POU6F2: variants seen among roughly 807,000 people sequenced by gnomAD.
The protein encoded by POU6F2 is POU domain, class 6, transcription factor 2.
POU6F2 carries 31 observed loss-of-function variants against 71.3 expected under a neutral mutation model. That is an observed-to-expected ratio of 0.43 (90% confidence interval 0.33 to 0.59). The LOEUF (loss-of-function observed/expected upper bound fraction) is 0.59, where lower values mean the gene tolerates loss of function less well. Among genes scored for constraint, POU6F2 ranks in the 20% least tolerant of loss-of-function variants. The pLI is 0.04. For synonymous variants in POU6F2, 347 were observed against 355.7 expected, an observed-to-expected ratio of 0.98 and a Z score of 0.27; for missense variants, 783 against 856.8, an observed-to-expected ratio of 0.91 and a Z score of 1.07.
At chr7:39,083,752 A>C (rs1791177401) in intron 1 of POU6F2, 1 of 152,188 alleles carries the variant, frequency 6.6e-6, no homozygotes, top group Non-Finnish European at 1.5e-5. Flanking sequence ...TATATTTCAA[A>C]TATTTACAAT....
intron 6 of POU6F2, among the ~76,000 whole-genome samples, chr7:39,409,237 T>A (rs979979381): frequency 9.2e-5 from 14 of 152,226 alleles, no homozygotes; most frequent in African/African-American, 3.4e-4. Flanking sequence ...CATCAACTAT[T>A]GTTTACATTT....
intron 2 of POU6F2, among the ~76,000 whole-genome samples, chr7:39,178,744 A>T (rs1246158052): frequency 6.6e-6 from 1 of 152,154 alleles, no homozygotes; most frequent in East Asian, 1.9e-4. Flanking sequence ...CTCATAAAAA[A>T]CAGGAGCACT....
At chr7:39,385,988 G>A (rs1440129352) in intron 5 of POU6F2, among the ~76,000 whole-genome samples, 1 of 151,946 alleles carries the variant, frequency 6.6e-6, no homozygotes, top group Non-Finnish European at 1.5e-5. Flanking sequence ...TGTGGTGGCG[G>A]GCGCCTATAG....
chr7:39,090,188 G>T (rs1243633445), intron 2 of POU6F2, among the ~76,000 whole-genome samples: 2 of 152,034 alleles, frequency 1.3e-5, no homozygotes, highest in African/African-American at 4.8e-5. Context: ...AGGCCTTAAA[G>T]TTGGCTCAGG....
intron 4 of POU6F2, among the ~76,000 whole-genome samples, chr7:39,291,098 T>A (rs1315688391): frequency 6.6e-6 from 1 of 152,090 alleles, no homozygotes; most frequent in Non-Finnish European, 1.5e-5. Context: ...TAAGTTTTTA[T>A]CTGGCTGTGG....
intron 1 of POU6F2, among the ~76,000 whole-genome samples, chr7:38,993,714 A>G (rs906750792): frequency 6.8e-6 from 1 of 146,592 alleles, no homozygotes; most frequent in African/African-American, 2.5e-5. Flanking sequence ...TTTCACAAGA[A>G]GTCAAAACTT....
At chr7:39,185,323 A>G (rs1793510919) in intron 2 of POU6F2, among the ~76,000 whole-genome samples, 1 of 152,136 alleles carries the variant, frequency 6.6e-6, no homozygotes, top group South Asian at 2.1e-4. Context: ...GCGCCACTGG[A>G]TTGTCCTCCC....
chr7:39,466,837 GC>G lies in POU6F2; in HGVS notation c.*2155del, dbSNP rs973981725. The G allele has an allele frequency of 1.3e-5, 2 of 152,322 alleles. No homozygotes were observed. Among genetic ancestry groups the G allele is most frequent in the African/African-American group, 4.8e-5 (2 of 41,436 alleles). The allele number at this position is 152,322 out of a possible 1,614,324, so 9.4% of individuals were successfully genotyped here. A position where few individuals can be genotyped will look rare whatever the true frequency, so the allele number is the denominator to read the frequency against. On this transcript the variant is annotated 3_prime_UTR_variant, in exon 10 of 10. Transcript: ENST00000518318. The stretch of plus-strand genomic sequence containing the variant: ...TGATCTTCAATGCCAACATCACAGA[GC>G]CCCTTTCGCCACCTCAAAAACTGCA...
chr7:39,404,182 GA>G (rs1787367187), intron 5 of POU6F2, among the ~76,000 whole-genome samples: 1 of 152,196 alleles, frequency 6.6e-6, no homozygotes, highest in East Asian at 1.9e-4. Flanking sequence ...CAAAGCAGTT[GA>G]AATATATCCA....
chr7:39,459,637 G>A (rs1282439907), intron 8 of POU6F2, among the ~76,000 whole-genome samples: 5 of 152,206 alleles, frequency 3.3e-5, no homozygotes, highest in African/African-American at 1.2e-4. Context: ...ACCTAAGTCC[G>A]AGGAATGAGG....
chr7:39,138,216 A>G (rs1209966570), intron 2 of POU6F2, among the ~76,000 whole-genome samples: 1 of 152,202 alleles, frequency 6.6e-6, no homozygotes, highest in Non-Finnish European at 1.5e-5. Flanking sequence ...TGTTGGTGAG[A>G]AATAAATTAG....
At chr7:39,141,612 A>G (rs1177355370) in intron 2 of POU6F2, among the ~76,000 whole-genome samples, 1 of 152,232 alleles carries the variant, frequency 6.6e-6, no homozygotes, top group African/African-American at 2.4e-5. Flanking sequence ...TATAGTTCCA[A>G]AAGTATATAT....
chr7:39,144,390 G>A (rs1210640113), intron 2 of POU6F2, among the ~76,000 whole-genome samples: 1 of 152,156 alleles, frequency 6.6e-6, no homozygotes, highest in Non-Finnish European at 1.5e-5. Flanking sequence ...TATTTCCTAT[G>A]ATATGCATTA....
At chr7:39,334,599 C>T (rs984261271) in intron 4 of POU6F2, among the ~76,000 whole-genome samples, 2 of 152,120 alleles carry the variant, frequency 1.3e-5, no homozygotes, top group African/African-American at 4.8e-5. Flanking sequence ...AGCCATCTAC[C>T]TTTTCCCATC....
At chr7:39,104,687 A>G (rs1408164087) in intron 2 of POU6F2, among the ~76,000 whole-genome samples, 2 of 152,212 alleles carry the variant, frequency 1.3e-5, no homozygotes, top group East Asian at 3.8e-4. Context: ...AGGCTGTTCC[A>G]TATTTGAGAA....
chr7:39,190,088 G>T (rs1562739567), intron 2 of POU6F2, among the ~76,000 whole-genome samples: 1 of 151,792 alleles, frequency 6.6e-6, no homozygotes, highest in African/African-American at 2.4e-5. Context: ...TAGAGATGGG[G>T]TTTTGCCATG....
At chr7:39,413,544 T>G (rs1787600120) in intron 6 of POU6F2, among the ~76,000 whole-genome samples, 1 of 152,206 alleles carries the variant, frequency 6.6e-6, no homozygotes, top group Non-Finnish European at 1.5e-5. Flanking sequence ...TTGGCCATCT[T>G]TCTTTTATAA....
intron 5 of POU6F2, among the ~76,000 whole-genome samples, chr7:39,387,520 G>A (rs1786973734): frequency 6.6e-6 from 1 of 152,140 alleles, no homozygotes; most frequent in Admixed American, 6.6e-5. Flanking sequence ...TTTCCCTTTA[G>A]AGAATAGGGG....
chr7:39,187,050 T>C (rs1471891669), intron 2 of POU6F2, among the ~76,000 whole-genome samples: 1 of 152,248 alleles, frequency 6.6e-6, no homozygotes, highest in East Asian at 1.9e-4. Context: ...AAGCTTACAT[T>C]TATTGTGTGT....
Sources: gnomAD v4.1 joint callset for allele counts (sites outside exome capture counted in the v4.1 genomes callset) on GRCh38, gnomAD v4.1.1 for gene constraint, MANE v1.5 for transcripts, NCBI Gene and HGNC (gene_info 2026-07-23, HGNC 2026-07-21) for gene names.